The following CTNNA3 variants were observed in gnomAD, a reference collection of about 807,000 sequenced individuals.
CTNNA3 encodes the protein catenin alpha 3, also known as catenin alpha-3.
A neutral mutation model predicts 95.7 loss-of-function variants in CTNNA3; 76 were observed. The ratio of observed to expected loss-of-function variants is 0.79; its 90% CI spans 0.66 to 0.96. The LOEUF (loss-of-function observed/expected upper bound fraction) is 0.96, where lower values mean the gene tolerates loss of function less well. Ranked by LOEUF, CTNNA3 falls within the 40% of genes least tolerant of loss-of-function variation. The pLI, the probability that CTNNA3 is intolerant of heterozygous loss-of-function variation, is 0.00. For missense variants in CTNNA3, 1,191 were observed against 1,089.8 expected, an observed-to-expected ratio of 1.09 and a Z score of -1.31; for synonymous variants, 431 against 374.4, an observed-to-expected ratio of 1.15 and a Z score of -1.74.
At chr10:66,443,618 C>A (rs1337093939) in intron 11 of CTNNA3, among the ~76,000 whole-genome samples, 1 of 152,282 alleles carries the variant, frequency 6.6e-6, no homozygotes, top group East Asian at 1.9e-4. Context: ...AGGGTCCTGT[C>A]TGTTAGAAGG....
intron 7 of CTNNA3, among the ~76,000 whole-genome samples, chr10:66,906,944 C>A (rs1429523059): frequency 6.6e-6 from 1 of 152,030 alleles, no homozygotes; most frequent in Non-Finnish European, 1.5e-5. Context: ...ATTAATTATT[C>A]TCTTGACTTT....
At chr10:66,856,294 C>A (rs1396341534) in intron 7 of CTNNA3, among the ~76,000 whole-genome samples, 1 of 152,020 alleles carries the variant, frequency 6.6e-6, no homozygotes, top group Non-Finnish European at 1.5e-5. Context: ...TGTATATGTA[C>A]CACATTTTCT....
At chr10:67,006,882 T>C (rs779780399) in intron 7 of CTNNA3, among the ~76,000 whole-genome samples, 5 of 152,016 alleles carry the variant, frequency 3.3e-5, no homozygotes, top group African/African-American at 4.8e-5. Flanking sequence ...ACACCTCTAC[T>C]TCCCGGGTTC....
chr10:67,172,390 C>T (rs1404960704), intron 7 of CTNNA3, among the ~76,000 whole-genome samples: 2 of 152,188 alleles, frequency 1.3e-5, no homozygotes, highest in African/African-American at 4.8e-5. Context: ...ACTAGAAATG[C>T]AGTAACACCA....
chr10:66,392,210 C>T (rs2132533122), intron 11 of CTNNA3, among the ~76,000 whole-genome samples: 2 of 152,124 alleles, frequency 1.3e-5, no homozygotes, highest in Middle Eastern at 6.8e-3. Context: ...GAGGGCAGAT[C>T]ACAAGGTCAG....
At chr10:66,826,268 G>A (rs1206564075) in intron 7 of CTNNA3, among the ~76,000 whole-genome samples, 5 of 151,962 alleles carry the variant, frequency 3.3e-5, no homozygotes, top group Non-Finnish European at 7.4e-5. Context: ...TTGAATGTTT[G>A]GTTTGTTTGT....
At chr10:66,429,184 C>T (rs1158017938) in intron 11 of CTNNA3, among the ~76,000 whole-genome samples, 1 of 152,140 alleles carries the variant, frequency 6.6e-6, no homozygotes, top group Non-Finnish European at 1.5e-5. Flanking sequence ...TACACATACA[C>T]CCTCCCAAGA....
At chr10:67,370,632 C>T (rs1257403258) in intron 5 of CTNNA3, among the ~76,000 whole-genome samples, 1 of 152,036 alleles carries the variant, frequency 6.6e-6, no homozygotes, top group Non-Finnish European at 1.5e-5. Flanking sequence ...TATAACTAAA[C>T]TCTGTTTAGT....
intron 7 of CTNNA3, among the ~76,000 whole-genome samples, chr10:66,922,854 A>G (rs1374554449): frequency 6.6e-6 from 1 of 151,850 alleles, no homozygotes; most frequent in East Asian, 1.9e-4. Context: ...GTGCATGTTT[A>G]TGGGGTACAT....
At chr10:67,042,222 T>C (rs544025976) in intron 7 of CTNNA3, among the ~76,000 whole-genome samples, 12 of 152,192 alleles carry the variant, frequency 7.9e-5, no homozygotes, top group Non-Finnish European at 1.8e-4. Flanking sequence ...ATTTCAATAG[T>C]GCAGGGGATG....
At chr10:67,648,277 A>C (rs916619653) in intron 1 of CTNNA3, among the ~76,000 whole-genome samples, 2 of 152,216 alleles carry the variant, frequency 1.3e-5, no homozygotes, top group African/African-American at 4.8e-5. Context: ...AGTCGGATTA[A>C]CGTTCAAAAA....
chr10:65,965,114 AT>A (rs2077929289), intron 17 of CTNNA3, among the ~76,000 whole-genome samples: 1 of 152,200 alleles, frequency 6.6e-6, no homozygotes, highest in South Asian at 2.1e-4. Context: ...AACCACTGGA[AT>A]AAAAAGCTAG....
At chr10:67,079,262 C>T (rs1231538855) in intron 7 of CTNNA3, among the ~76,000 whole-genome samples, 2 of 152,168 alleles carry the variant, frequency 1.3e-5, no homozygotes, top group African/African-American at 2.4e-5. Context: ...GGGGAAGAGT[C>T]CTAGGAATTT....
intron 5 of CTNNA3, among the ~76,000 whole-genome samples, chr10:67,358,781 G>C (rs1398364747): frequency 6.6e-6 from 1 of 152,092 alleles, no homozygotes; most frequent in Non-Finnish European, 1.5e-5. Flanking sequence ...CCCCAAAAGA[G>C]AAGGAGGTGC....
intron 12 of CTNNA3, among the ~76,000 whole-genome samples, chr10:66,343,633 G>C (rs921587404): frequency 1.3e-5 from 2 of 152,028 alleles, no homozygotes; most frequent in African/African-American, 4.8e-5. Flanking sequence ...ATTCCAGCTA[G>C]ATAGGAGGAG....
At chr10:67,632,730 A>T (rs1458476425) in intron 2 of CTNNA3, among the ~76,000 whole-genome samples, 1 of 152,148 alleles carries the variant, frequency 6.6e-6, no homozygotes. Context: ...TGGGTCTGAT[A>T]CACAGAACTG....
chr10:67,730,107 C>T (rs1244272576), intron 1 of CTNNA3, among the ~76,000 whole-genome samples: 1 of 152,066 alleles, frequency 6.6e-6, no homozygotes, highest in Non-Finnish European at 1.5e-5. Flanking sequence ...ATTTACACTC[C>T]CTTCTCTTGT....
At chr10:67,079,078 CATA>C (rs937825413) in intron 7 of CTNNA3, among the ~76,000 whole-genome samples, 1 of 152,156 alleles carries the variant, frequency 6.6e-6, no homozygotes, top group Non-Finnish European at 1.5e-5. Flanking sequence ...ACCAATAATT[CATA>C]ATATCTGGGA....
At chr10:66,357,419 T>C (rs1177530240) in intron 12 of CTNNA3, among the ~76,000 whole-genome samples, 1 of 152,106 alleles carries the variant, frequency 6.6e-6, no homozygotes, top group Non-Finnish European at 1.5e-5. Context: ...AAGTTGTGTA[T>C]CTATCACCAT....
Sources: allele counts gnomAD v4.1 joint callset (sites outside exome capture counted in the v4.1 genomes callset), GRCh38; gene constraint gnomAD v4.1.1; transcripts MANE v1.5; gene names NCBI Gene and HGNC (gene_info 2026-07-23, HGNC 2026-07-21).